The following CELF2 variants were observed in gnomAD, a reference collection of about 807,000 sequenced individuals.
CELF2 encodes the protein CUG triplet repeat RNA-binding protein 2.
In CELF2, 8 loss-of-function variants were observed where a neutral mutation model predicts 62.6. The observed-to-expected ratio is 0.13, with a 90% CI of 0.07 to 0.23. The LOEUF (loss-of-function observed/expected upper bound fraction) is 0.23. Ranked by LOEUF, CELF2 falls within the 10% of genes least tolerant of loss-of-function variation. The probability of loss-of-function intolerance (pLI) is 1.00; values close to 1 mark genes in which losing one functional copy is unlikely to be tolerated. For missense variants in CELF2, 333 were observed against 671.0 expected, an observed-to-expected ratio of 0.50 and a Z score of 5.56; for synonymous variants, 258 against 250.0, an observed-to-expected ratio of 1.03 and a Z score of -0.30.
At chr10:10,870,630 G>A (rs2060677727) in intron 1 of CELF2, among the ~76,000 whole-genome samples, 1 of 152,128 alleles carries the variant, frequency 6.6e-6, no homozygotes, top group South Asian at 2.1e-4. Flanking sequence ...ACCAAAAATG[G>A]GAAGCAGAAG....
At chr10:11,096,848 T>C (rs1190761049) in intron 1 of CELF2, among the ~76,000 whole-genome samples, 5 of 152,216 alleles carry the variant, frequency 3.3e-5, no homozygotes, top group Admixed American at 3.3e-4. Context: ...AGCCCGAATT[T>C]AAATGAACTG....
At chr10:10,906,743 G>A (rs1298115670) in intron 1 of CELF2, among the ~76,000 whole-genome samples, 6 of 87,628 alleles carry the variant, frequency 6.8e-5, no homozygotes, top group Admixed American at 2.0e-4. Context: ...TTTTTGAAAC[G>A]GAGTCTCACT....
the CELF2 span, among the ~76,000 whole-genome samples, chr10:10,489,909 A>T: frequency 6.8e-6 from 1 of 148,110 alleles, no homozygotes; most frequent in Non-Finnish European, 1.5e-5. Context: ...GTTTGGGGGG[A>T]GGGTGGGTGG....
intron 1 of CELF2, among the ~76,000 whole-genome samples, chr10:11,034,427 A>G (rs908724479): frequency 1.3e-5 from 2 of 152,196 alleles, no homozygotes; most frequent in African/African-American, 2.4e-5. Context: ...CCTTATTACT[A>G]AGAACACTGG....
At chr10:10,571,501 G>A in the CELF2 span, among the ~76,000 whole-genome samples, 15 of 150,920 alleles carry the variant, frequency 9.9e-5, no homozygotes, top group African/African-American at 3.6e-4. Flanking sequence ...TTTGCCACAC[G>A]AATTCAAGAG....
intron 1 of CELF2, among the ~76,000 whole-genome samples, chr10:11,164,865 G>A (rs1439671397): frequency 1.3e-5 from 2 of 152,166 alleles, no homozygotes; most frequent in African/African-American, 2.4e-5. Flanking sequence ...TCCATTCTGA[G>A]TAGCAACAAC....
the CELF2 span, among the ~76,000 whole-genome samples, chr10:10,658,580 T>A: frequency 4.6e-5 from 7 of 152,208 alleles, no homozygotes; most frequent in Non-Finnish European, 1.0e-4. Context: ...ATTTGCTAAC[T>A]TTTATAAATG....
Position 11,221,980 on chromosome 10 carries a change from G to C in CELF2, c.354+4473G>C, listed in dbSNP as rs188765366. Among the ~76,000 whole-genome samples, 15 of 152,344 alleles carry C rather than the reference G, an allele frequency of 9.8e-5. 1 individual carries two copies. Among genetic ancestry groups the C allele is most frequent in the Admixed American group, 9.8e-4 (15 of 15,302 alleles). On this transcript the variant is annotated intron_variant, in intron 3 of 12. Coordinates refer to ENST00000633077, the MANE Select transcript of CELF2 (RefSeq NM_001326342.2). ...GATCCAATCGGAGGAGGCAGGAAGG[G>C]AAATGGCCTCCTGGGACAAGTGTGT...
the CELF2 span, among the ~76,000 whole-genome samples, chr10:10,585,258 G>A: frequency 1.4e-4 from 21 of 152,230 alleles, no homozygotes; most frequent in African/African-American, 4.8e-4. Flanking sequence ...CCCTGATTGG[G>A]AATTCTCAAT....
intron 1 of CELF2, among the ~76,000 whole-genome samples, chr10:10,836,375 A>G (rs938438461): frequency 8.5e-5 from 13 of 152,182 alleles, no homozygotes; most frequent in African/African-American, 2.9e-4. Flanking sequence ...AAGGGAAAGC[A>G]ATCAATAGCA....
chr10:10,647,297 G>A, the CELF2 span, among the ~76,000 whole-genome samples: 64 of 152,104 alleles, frequency 4.2e-4, no homozygotes, highest in South Asian at 3.9e-3. Flanking sequence ...TGCTCCTTGC[G>A]ATTTCCTGTC....
chr10:10,554,794 C>G, the CELF2 span, among the ~76,000 whole-genome samples: 5 of 152,158 alleles, frequency 3.3e-5, no homozygotes, highest in Admixed American at 3.3e-4. Flanking sequence ...TTTTCAAATT[C>G]ATTAACTCCA....
chr10:10,717,359 C>A, the CELF2 span, among the ~76,000 whole-genome samples: 1 of 151,022 alleles, frequency 6.6e-6, no homozygotes, highest in Admixed American at 6.6e-5. Flanking sequence ...GAGGAGTCAC[C>A]AAAGGCAATG....
In CELF2 at chr10:11,280,989, C is replaced by CGTGTGT. The variant is rs60798946; in HGVS notation, c.841+5896_841+5901dup. Among the ~76,000 whole-genome samples the CGTGTGT allele has an allele frequency of 0.21, 29,738 of 144,310 alleles. 3,478 individuals are homozygous for CGTGTGT. The highest frequency in any genetic ancestry group is 0.47 in the East Asian group (2,291 of 4,838). The allele number at this position is 144,310 out of a possible 152,430, so 94.7% of individuals were successfully genotyped here. A position where few individuals can be genotyped will look rare whatever the true frequency, so the allele number is the denominator to read the frequency against. On this transcript the variant is annotated intron_variant, in intron 8 of 12. Transcript: ENST00000633077. This position sits in a 1 kb window ranked among gnomAD's most constrained non-coding sequence, Gnocchi z 7.6. ...TGGCGTGCGTGTGCATGCCTGTGTG[C>CGTGTGT]GTGTGTGTGTGTGTGTGTGTGTGTG...
intron 1 of CELF2, among the ~76,000 whole-genome samples, chr10:10,870,169 C>G (rs774336526): frequency 5.3e-5 from 8 of 151,852 alleles, no homozygotes; most frequent in Admixed American, 4.6e-4. Flanking sequence ...TGATGTCCAT[C>G]TTTAAAATTT....
At chr10:10,726,933 C>T in the CELF2 span, among the ~76,000 whole-genome samples, 1 of 152,266 alleles carries the variant, frequency 6.6e-6, no homozygotes, top group African/African-American at 2.4e-5. Flanking sequence ...GAAATTTTGA[C>T]TCATGGCGGA....
At chr10:11,138,595 G>A (rs1249669988) in intron 1 of CELF2, among the ~76,000 whole-genome samples, 1 of 152,220 alleles carries the variant, frequency 6.6e-6, no homozygotes, top group East Asian at 1.9e-4. Flanking sequence ...TCATCGAACA[G>A]TAAAAAGATG....
At chr10:10,965,026 T>C (rs1451938975) in intron 2 of CELF2, among the ~76,000 whole-genome samples, 2 of 152,118 alleles carry the variant, frequency 1.3e-5, no homozygotes, top group African/African-American at 4.8e-5. Flanking sequence ...AAACAGCATA[T>C]TTACATATAC....
chr10:11,028,062 A>G (rs1256887867), intron 1 of CELF2, among the ~76,000 whole-genome samples: 2 of 152,198 alleles, frequency 1.3e-5, no homozygotes, highest in Admixed American at 6.5e-5. Context: ...GCAAAGACCC[A>G]TAAAGCATTG....
Sources: allele counts gnomAD v4.1 joint callset (sites outside exome capture counted in the v4.1 genomes callset), GRCh38; gene constraint gnomAD v4.1.1; non-coding constraint Gnocchi (gnomAD v3.1); transcripts MANE v1.5; gene names NCBI Gene and HGNC (gene_info 2026-07-23, HGNC 2026-07-21).